The following MAPK10 variants were observed in gnomAD, a reference collection of about 807,000 sequenced individuals.
MAPK10 encodes the protein JNK3 alpha protein kinase.
In MAPK10, 25 loss-of-function variants were observed where a neutral mutation model predicts 59.3. The observed-to-expected ratio is 0.42, with a 90% CI of 0.31 to 0.59. The LOEUF is 0.59. MAPK10 is among the 20% of genes least tolerant of loss of function. The pLI, the probability that MAPK10 is intolerant of heterozygous loss-of-function variation, is 0.15. For synonymous variants in MAPK10, 190 were observed against 200.5 expected (o/e 0.95, Z 0.44); for missense variants, 351 against 568.9 (o/e 0.62, Z 3.90).
chr4:86,294,857 CTGAT>C (rs1328278960), intron 2 of MAPK10, among the ~76,000 whole-genome samples: 3 of 152,304 alleles, frequency 2.0e-5, no homozygotes, highest in Non-Finnish European at 2.9e-5. Context: ...TGGCTGAGTA[CTGAT>C]CAGCACAGGC....
At chr4:86,302,664 A>G (rs892893757) in intron 2 of MAPK10, among the ~76,000 whole-genome samples, 3 of 152,220 alleles carry the variant, frequency 2.0e-5, no homozygotes, top group Non-Finnish European at 2.9e-5. Flanking sequence ...TCAGAAAAAA[A>G]CATCCAAATC....
intron 1 of MAPK10, among the ~76,000 whole-genome samples, chr4:86,571,739 G>T (rs1761476120): frequency 6.6e-6 from 1 of 152,078 alleles, no homozygotes; most frequent in Non-Finnish European, 1.5e-5. Flanking sequence ...GCTATCTCCT[G>T]ACAACCTTAC....
chr4:86,381,782 T>C lies in MAPK10; in HGVS notation c.-121-27138A>G, dbSNP rs1048941850. Among the ~76,000 whole-genome samples, 10 of 152,062 alleles carry C rather than the reference T, an allele frequency of 6.6e-5. 1 individual carries two copies. Among genetic ancestry groups the C allele is most frequent in the Non-Finnish European group, 1.5e-4 (10 of 67,998 alleles). On this transcript the variant is annotated intron_variant, in intron 1 of 13. Coordinates refer to the MAPK10 transcript ENST00000361569. Reference sequence around the variant, plus strand: ...GGTGCATTTATTTACACAGGGACGGTTTACAAACATGTGGGTATAGAGGAA... The same window carrying C: ...GGTGCATTTATTTACACAGGGACGGCTTACAAACATGTGGGTATAGAGGAA...
chr4:86,440,588 A>G (rs1749293460), intron 1 of MAPK10, among the ~76,000 whole-genome samples: 1 of 151,532 alleles, frequency 6.6e-6, no homozygotes, highest in East Asian at 1.9e-4. Flanking sequence ...TGATCACACC[A>G]CTGCACTCAA....
At chr4:86,398,588 CTTG>C (rs1219363088) in intron 1 of MAPK10, among the ~76,000 whole-genome samples, 10 of 152,042 alleles carry the variant, frequency 6.6e-5, no homozygotes, top group Admixed American at 5.2e-4. Context: ...ATTAATGTAC[CTTG>C]TTATTTTTCT....
chr4:86,322,962 G>A (rs1404186052), intron 2 of MAPK10, among the ~76,000 whole-genome samples: 8 of 152,192 alleles, frequency 5.3e-5, no homozygotes, highest in Admixed American at 6.5e-5. Context: ...ATCACCTGAG[G>A]TCAGGAGTTC....
chr4:86,268,338 T>C lies in MAPK10; in HGVS notation c.-6-73931A>G, dbSNP rs573680951. On this transcript the variant is annotated intron_variant, in intron 2 of 13. Transcript: ENST00000641462. ...GACATCTTGATTCCAACCTTTATCATCTTTCACCTGAATTCTTGCAAGAGG... is the reference window on the plus strand; with the variant it reads ...GACATCTTGATTCCAACCTTTATCACCTTTCACCTGAATTCTTGCAAGAGG... The C allele has an allele frequency of 2.6e-5, 4 of 152,398 alleles. No individual in the cohort carries two copies. The South Asian group carries it at 8.3e-4, about 32-fold the overall frequency. 9.4% of individuals were successfully genotyped at this position (152,398 alleles called of 1,614,324 possible).
chr4:86,174,181 T>A (rs1004778034), intron 3 of MAPK10, among the ~76,000 whole-genome samples: 1 of 152,204 alleles, frequency 6.6e-6, no homozygotes, highest in Non-Finnish European at 1.5e-5. Context: ...CATATGTTTA[T>A]TGCAGTATTA....
At chr4:86,409,614 C>T (rs886430415) in intron 1 of MAPK10, among the ~76,000 whole-genome samples, 3 of 152,130 alleles carry the variant, frequency 2.0e-5, no homozygotes, top group East Asian at 3.9e-4. Flanking sequence ...AGAGGTCCTT[C>T]GCATCCCTTG....
At chr4:86,565,640 A>G (rs1761005929) in intron 1 of MAPK10, among the ~76,000 whole-genome samples, 1 of 152,224 alleles carries the variant, frequency 6.6e-6, no homozygotes, top group Non-Finnish European at 1.5e-5. Context: ...TGCAGCACAC[A>G]TTTATATAGC....
intron 2 of MAPK10, among the ~76,000 whole-genome samples, chr4:86,283,560 C>T (rs1358732769): frequency 1.3e-5 from 2 of 152,174 alleles, no homozygotes; most frequent in Non-Finnish European, 2.9e-5. Context: ...AAGTAAATTT[C>T]CCAGAAGGCT....
chr4:86,172,619 A>C (rs528945490), intron 3 of MAPK10, among the ~76,000 whole-genome samples: 6 of 151,530 alleles, frequency 4.0e-5, no homozygotes, highest in African/African-American at 9.7e-5. Flanking sequence ...GATATACCTA[A>C]TGCTAAATGA....
intron 1 of MAPK10, among the ~76,000 whole-genome samples, chr4:86,475,342 C>T (rs1752996617): frequency 6.6e-6 from 1 of 152,144 alleles, no homozygotes; most frequent in Non-Finnish European, 1.5e-5. Flanking sequence ...TCAGACCGAC[C>T]AGCCCAAGGA....
At chr4:86,581,902 TATA>T (rs1565075289) in intron 1 of MAPK10, among the ~76,000 whole-genome samples, 62 of 1,840 alleles carry the variant, frequency 0.034, 2 homozygotes, top group Admixed American at 0.047. Context: ...ATATATATTA[TATA>T]TATATATATA....
At chr4:86,074,301 T>C (rs1189420404) in intron 9 of MAPK10, among the ~76,000 whole-genome samples, 3 of 147,234 alleles carry the variant, frequency 2.0e-5, no homozygotes, top group African/African-American at 7.6e-5. Flanking sequence ...GCACGTGAGA[T>C]GGGTTTCCTG....
intron 2 of MAPK10, among the ~76,000 whole-genome samples, chr4:86,284,027 C>T (rs2094914062): frequency 6.6e-6 from 1 of 152,090 alleles, no homozygotes; most frequent in African/African-American, 2.4e-5. Context: ...TTAATCAGCA[C>T]CTCACAAATT....
intron 1 of MAPK10, among the ~76,000 whole-genome samples, chr4:86,557,827 TTC>T (rs1001397002): frequency 6.6e-6 from 1 of 152,046 alleles, no homozygotes; most frequent in African/African-American, 2.4e-5. Context: ...AAAATGAAAT[TTC>T]TGTTTTTATA....
intron 2 of MAPK10, among the ~76,000 whole-genome samples, chr4:86,317,487 A>G (rs1344260260): frequency 6.6e-6 from 1 of 152,222 alleles, no homozygotes; most frequent in Non-Finnish European, 1.5e-5. Flanking sequence ...TAATCAGTAC[A>G]GTGCCATATT....
intron 1 of MAPK10, among the ~76,000 whole-genome samples, chr4:86,412,248 A>C (rs1290704160): frequency 6.6e-6 from 1 of 152,160 alleles, no homozygotes; most frequent in Non-Finnish European, 1.5e-5. Flanking sequence ...TCTGGCTTGT[A>C]GGGTTTCTGC....
Sources: allele counts gnomAD v4.1 joint callset (sites outside exome capture counted in the v4.1 genomes callset), GRCh38; gene constraint gnomAD v4.1.1; transcripts MANE v1.5; gene names NCBI Gene and HGNC (gene_info 2026-07-23, HGNC 2026-07-21).